The following SLTM variants were observed in gnomAD, a reference collection of about 807,000 sequenced individuals.
SLTM encodes SAFB-like transcription modulator.
A neutral mutation model predicts 134.6 loss-of-function variants in SLTM; 43 were observed. The observed-to-expected ratio is 0.32, with a 90% CI of 0.25 to 0.41. SLTM has a LOEUF of 0.41. Among genes scored for constraint, SLTM ranks in the 10% least tolerant of loss-of-function variants. The probability of loss-of-function intolerance (pLI) is 1.00; values close to 1 mark genes in which losing one functional copy is unlikely to be tolerated. For missense variants in SLTM, 1,055 were observed against 1,288.8 expected, an observed-to-expected ratio of 0.82 and a Z score of 2.78; for synonymous variants, 424 against 432.3, an observed-to-expected ratio of 0.98 and a Z score of 0.24.
At chr15:58,925,754 G>T (rs1340971095) in intron 2 of SLTM, among the ~76,000 whole-genome samples, 1 of 152,118 alleles carries the variant, frequency 6.6e-6, no homozygotes, top group Non-Finnish European at 1.5e-5. Flanking sequence ...AAGATGAACA[G>T]AATAAACAAT....
chr15:58,922,571 TA>T (rs2037161265), intron 2 of SLTM, among the ~76,000 whole-genome samples: 1 of 135,024 alleles, frequency 7.4e-6, no homozygotes, highest in Non-Finnish European at 1.6e-5. Flanking sequence ...ATATAATATA[TA>T]TTATATACGT....
chr15:58,880,753 A>G (rs1027651101), intron 20 of SLTM, among the ~76,000 whole-genome samples: 1 of 151,820 alleles, frequency 6.6e-6, no homozygotes, highest in South Asian at 2.1e-4. Context: ...TTTCTTAGAG[A>G]CAGGGTTGCG....
chr15:58,899,916 C>T lies in SLTM; in HGVS notation c.611G>A (p.Gly204Asp). 2.5e-6 allele frequency: 4 copies of T among 1,611,936 alleles called. No homozygotes were observed. The highest frequency in any genetic ancestry group is 3.4e-6 in the Non-Finnish European group (4 of 1,178,490). ...AAGAGGTTTAGATACTTCTTGTGTACCATCACCAGAACCTGCTATATCTAA... is the reference window on the plus strand; with the variant it reads ...AAGAGGTTTAGATACTTCTTGTGTATCATCACCAGAACCTGCTATATCTAA... ...NEKDIAGSGDGTQEVSKPLPS... is the reference protein window; with the variant it reads ...NEKDIAGSGDDTQEVSKPLPS... The change falls in exon 7 of 21, where the codon GGT (glycine) becomes GAT (aspartate). Residue 204 changes from glycine (G) to aspartate (D), a missense_variant. Physicochemically the swap from Gly to Asp is moderately conservative, Grantham distance 94 (BLOSUM62 -1). Transcript: ENST00000380516. This position sits in a 1 kb window ranked among gnomAD's most constrained non-coding sequence, Gnocchi z 5.0.
intron 9 of SLTM, among the ~76,000 whole-genome samples, chr15:58,896,894 G>T (rs989543512): frequency 1.4e-4 from 21 of 152,240 alleles, no homozygotes; most frequent in African/African-American, 5.1e-4. Flanking sequence ...TTAAAGTTTG[G>T]AATACAAAGA....
intron 2 of SLTM, among the ~76,000 whole-genome samples, chr15:58,917,305 G>A (rs947797271): frequency 6.6e-6 from 1 of 152,188 alleles, no homozygotes; most frequent in Admixed American, 6.5e-5. Flanking sequence ...TATCTGAGAA[G>A]CTGTGATACC....
chr15:58,907,240 AT>A (rs1322776528), intron 5 of SLTM, among the ~76,000 whole-genome samples: 2 of 152,246 alleles, frequency 1.3e-5, no homozygotes, highest in African/African-American at 2.4e-5. Flanking sequence ...TTAGTGAAAC[AT>A]TAGGTGCAAA....
At chr15:58,908,688 C>T (rs2036051318) in intron 5 of SLTM, among the ~76,000 whole-genome samples, 1 of 152,082 alleles carries the variant, frequency 6.6e-6, no homozygotes, top group Non-Finnish European at 1.5e-5. Context: ...CTTTCAAAAG[C>T]AATACCTAAA....
Position 58,880,012 on chromosome 15 carries a change from G to T in SLTM, c.3092C>A (p.Pro1031Gln). 2 of 1,613,444 alleles carry T rather than the reference G, an allele frequency of 1.2e-6. No homozygotes were observed. Among genetic ancestry groups the T allele is most frequent in the Non-Finnish European group, 1.7e-6 (2 of 1,179,654 alleles). The change falls in exon 21 of 21, where the codon CCG becomes CAG. Residue 1031 changes from proline (P) to glutamine (Q), a missense_variant. Around this residue, in one of 3 missense-constraint regions of SLTM, gnomAD observed 776 missense variants for 962.2 expected, o/e 0.81. Transcript: ENST00000380516. ...SGFKPFKGGP[P>Q]RRF is the part of the protein sequence containing the mutation. The stretch of plus-strand genomic sequence containing the variant: ...GAGAGCTCATTTTCAGAATCGTCGC[G>T]GAGGTCCACCCTTAAATGGCTTAAA...
At chr15:58,905,004 C>T (rs2035773786) in intron 5 of SLTM, among the ~76,000 whole-genome samples, 1 of 152,062 alleles carries the variant, frequency 6.6e-6, no homozygotes, top group African/African-American at 2.4e-5. Context: ...CCACCATGCC[C>T]GGCCAATTTT....
intron 19 of SLTM, among the ~76,000 whole-genome samples, chr15:58,884,102 A>G (rs2033977145): frequency 6.6e-6 from 1 of 150,844 alleles, no homozygotes; most frequent in South Asian, 2.1e-4. Context: ...CCCATCTCAA[A>G]AAAAAAAAAA....
chr15:58,898,499 T>G (rs532242245), intron 8 of SLTM: 1 of 199,398 alleles, frequency 5.0e-6, no homozygotes, highest in South Asian at 1.0e-4. Context: ...AGTTCTGAAA[T>G]TATAATGTAA....
intron 1 of SLTM, 90 bp downstream of exon 1, chr15:58,933,314 C>T: frequency 7.2e-7 from 1 of 1,394,998 alleles, no homozygotes; most frequent in South Asian, 1.4e-5. Context: ...CCAGCGGCTG[C>T]GGGCAGCCGG....
At chr15:58,910,220 G>A (rs2036162311) in intron 5 of SLTM, among the ~76,000 whole-genome samples, 1 of 152,168 alleles carries the variant, frequency 6.6e-6, no homozygotes, top group South Asian at 2.1e-4. Context: ...AGAGGCATAG[G>A]GGAAAATAAG....
At position 58,893,289 on chromosome 15, in the gene SLTM, C is replaced by T. The variant is rs765211093; in HGVS notation, c.1724G>A (p.Arg575Lys). The stretch of plus-strand genomic sequence containing the variant: ...TGATCAGAGACTTACTTTCTCATAT[C>T]TTCCTCTTCTTGATGGTCTACAATG... ...GDHCRPSRRGRYEKIHGRSKE... is the reference protein window; with the variant it reads ...GDHCRPSRRGKYEKIHGRSKE... Residue 575 changes from arginine to lysine, a missense_variant, in exon 13 of 21, where the codon AGA (arginine) becomes AAA (lysine). Physicochemically the swap from Arg to Lys is conservative, Grantham distance 26. Coordinates refer to ENST00000380516, the MANE Select transcript of SLTM (RefSeq NM_024755.4). 53 of 1,608,820 alleles carry T rather than the reference C, an allele frequency of 3.3e-5. No individual in the cohort carries two copies. The highest frequency in any genetic ancestry group is 4.5e-5 in the Non-Finnish European group (53 of 1,176,914).
At chr15:58,922,535 AT>A (rs2037144235) in intron 2 of SLTM, among the ~76,000 whole-genome samples, 1 of 25,192 alleles carries the variant, frequency 4.0e-5, no homozygotes, top group African/African-American at 1.5e-4. Flanking sequence ...TACGTATATA[AT>A]ATATTTTATA....
chr15:58,930,783 A>G (rs972876504), intron 2 of SLTM, among the ~76,000 whole-genome samples: 1 of 149,316 alleles, frequency 6.7e-6, no homozygotes. Flanking sequence ...ATAGATATAT[A>G]TACCTGTCAT....
intron 14 of SLTM, among the ~76,000 whole-genome samples, chr15:58,891,628 T>C (rs546463564): frequency 5.3e-5 from 8 of 152,308 alleles, no homozygotes; most frequent in South Asian, 2.1e-4. Flanking sequence ...CAGTCTGTAT[T>C]TGAAGCTGTC....
At chr15:58,931,445 G>A (rs756899234) in intron 2 of SLTM, among the ~76,000 whole-genome samples, 1 of 152,106 alleles carries the variant, frequency 6.6e-6, no homozygotes, top group African/African-American at 2.4e-5. Context: ...ATCATTCAGT[G>A]GTTGGGAGTA....
chr15:58,882,632 C>A (rs1373226306), intron 20 of SLTM, among the ~76,000 whole-genome samples: 1 of 152,124 alleles, frequency 6.6e-6, no homozygotes, highest in Non-Finnish European at 1.5e-5. Flanking sequence ...CCTTTACAAA[C>A]CAGATACAAT....
Sources: allele counts gnomAD v4.1 joint callset (sites outside exome capture counted in the v4.1 genomes callset), GRCh38; gene constraint gnomAD v4.1.1; regional missense constraint gnomAD v4.1.1; non-coding constraint Gnocchi (gnomAD v3.1); transcripts MANE v1.5; gene names NCBI Gene and HGNC (gene_info 2026-07-23, HGNC 2026-07-21).